Variants in CCR3 observed in about 807,000 individuals in gnomAD.
The protein encoded by CCR3 is C-C motif chemokine receptor 3.
For synonymous variants in CCR3, 203 were observed against 179.2 expected, an observed-to-expected ratio of 1.13 and a Z score of -1.06; for missense variants, 419 against 437.5, an observed-to-expected ratio of 0.96 and a Z score of 0.38.
At chr3:46,243,005 G>A (rs6441947) in intron 1 of CCR3, among the ~76,000 whole-genome samples, 97,220 of 130,056 alleles carry the variant, frequency 0.75, 36,661 homozygotes, top group East Asian at 0.9. Context: ...ATATATATAC[G>A]CACACACACA....
intron 2 of CCR3, among the ~76,000 whole-genome samples, chr3:46,229,411 A>G (rs952416935): frequency 7.2e-5 from 11 of 152,230 alleles, no homozygotes; most frequent in African/African-American, 1.4e-4. Flanking sequence ...CTTAACAAAT[A>G]TAGAAATTGG....
chr3:46,233,990 AC>A (rs1363898063), intron 2 of CCR3, among the ~76,000 whole-genome samples: 1 of 152,156 alleles, frequency 6.6e-6, no homozygotes, highest in Non-Finnish European at 1.5e-5. Context: ...GCATCCTGCC[AC>A]CTCCTGGGCT....
chr3:46,248,477 T>A (rs1700242402), intron 1 of CCR3, among the ~76,000 whole-genome samples: 1 of 152,168 alleles, frequency 6.6e-6, no homozygotes, highest in African/African-American at 2.4e-5. Context: ...CTGGCTCTTG[T>A]GTAAGAATTC....
At chr3:46,214,974 C>T (rs757371729) in intron 2 of CCR3, among the ~76,000 whole-genome samples, 33 of 152,164 alleles carry the variant, frequency 2.2e-4, no homozygotes, top group Non-Finnish European at 3.5e-4. Context: ...GGCCATTGTA[C>T]CTGAAGAGGC....
chr3:46,251,989 T>C (rs982599099), intron 1 of CCR3, among the ~76,000 whole-genome samples: 2 of 152,150 alleles, frequency 1.3e-5, no homozygotes, highest in Admixed American at 6.6e-5. Context: ...GATTCTTCAG[T>C]TACTTCAGGA....
chr3:46,265,791 T>A lies in CCR3; in HGVS notation c.633T>A (p.Pro211=), dbSNP rs760489605. The A allele has an allele frequency of 3.1e-6, 5 of 1,613,946 alleles. No homozygotes were observed. The highest frequency in any genetic ancestry group is 4.2e-6 in the Non-Finnish European group (5 of 1,179,990). The stretch of plus-strand genomic sequence containing the variant: ...TGACCATCTTCTGTCTCGTTCTCCC[T>A]CTGCTCGTTATGGCCATCTGCTACA... ...LRMTIFCLVL[P]LLVMAICYTG... is the part of the protein sequence containing the mutation. Residue 211 remains proline, a synonymous_variant, in exon 2 of 2, where the codon CCT becomes CCA. Coordinates refer to ENST00000395940, the MANE Select transcript of CCR3 (RefSeq NM_178329.3).
At position 46,214,786 on chromosome 3, in the gene CCR3, C is replaced by A. The variant is rs1699754905; in HGVS notation, c.-68+3879C>A. ...GGGCAGTGTGGATGATGTAGGGAAG[C>A]CCCTTCCCTCAGGTCTTCTGGCACA... On this transcript the variant is annotated intron_variant, in intron 2 of 3. Coordinates refer to the CCR3 transcript ENST00000357422. 2.0e-5 allele frequency among the ~76,000 whole-genome samples: 3 copies of A among 152,082 alleles called. No homozygotes were observed. In the South Asian group the frequency reaches 6.2e-4, roughly 31 times the overall value.
rs1700517574 is a variant in CCR3 at position 46,261,059 on chromosome 3, C to CA, written c.-11-4088dup. On this transcript the variant is annotated intron_variant, in intron 1 of 1. Transcript: ENST00000395940. The stretch of plus-strand genomic sequence containing the variant: ...TTTGTTCTTTATTATCCTCTTTCTT[C>CA]ATGTTGAAATAACCTTTAAATAACC... Among the ~76,000 whole-genome samples the CA allele has an allele frequency of 2.0e-5, 3 of 152,134 alleles. No homozygotes were observed. In the South Asian group the frequency reaches 6.2e-4, roughly 32 times the overall value.
chr3:46,213,293 G>A (rs970918891), intron 2 of CCR3, among the ~76,000 whole-genome samples: 1 of 152,182 alleles, frequency 6.6e-6, no homozygotes, highest in Non-Finnish European at 1.5e-5. Context: ...TTATGTGGCT[G>A]CTCATCTTCC....
At chr3:46,242,963 G>GTATATATATATATATACACATA (rs1553644059) in intron 1 of CCR3, among the ~76,000 whole-genome samples, 9 of 86,278 alleles carry the variant, frequency 1.0e-4, no homozygotes, top group East Asian at 7.3e-4. Flanking sequence ...ATATATATGT[G>GTATATATATATATATACACATA]TATATATATA....
intron 1 of CCR3, chr3:46,264,781 C>T (rs529855146): frequency 4.2e-5 from 15 of 360,970 alleles, no homozygotes; most frequent in Admixed American, 2.7e-4. Context: ...TGCAAAATGC[C>T]GTAAGAGACA....
At chr3:46,246,916 G>T (rs934426488) in intron 1 of CCR3, among the ~76,000 whole-genome samples, 1 of 151,960 alleles carries the variant, frequency 6.6e-6, no homozygotes. Context: ...TTGTGGTAAG[G>T]GGTGATATTG....
chr3:46,257,645 C>T (rs967957519), intron 1 of CCR3, among the ~76,000 whole-genome samples: 1 of 152,092 alleles, frequency 6.6e-6, no homozygotes, highest in Non-Finnish European at 1.5e-5. Context: ...AAGGATGATA[C>T]TCAGCTTCCT....
chr3:46,226,261 T>G (rs1699893946), intron 2 of CCR3, among the ~76,000 whole-genome samples: 1 of 152,228 alleles, frequency 6.6e-6, no homozygotes, highest in Non-Finnish European at 1.5e-5. Context: ...AAACCTTGGA[T>G]TAATTTGGGG....
At chr3:46,250,897 G>A (rs112190836) in intron 1 of CCR3, among the ~76,000 whole-genome samples, 1,656 of 151,890 alleles carry the variant, frequency 0.011, 36 homozygotes, top group African/African-American at 0.036. Flanking sequence ...GTCTGGGTGC[G>A]GAAATAAGGG....
rs111826278 is a variant in CCR3 at position 46,266,204 on chromosome 3, C to G, written c.1046C>G (p.Pro349Arg). ...TSSVSPSTAE[P>R]ELSIVF ...TCTGTCTCTCCATCCACAGCAGAGC[C>G]GGAACTCTCTATTGTGTTTTAGGTC... Residue 349 changes from proline to arginine, a missense_variant, in exon 2 of 2, where the codon CCG becomes CGG. Pro to Arg is a moderately radical substitution (Grantham distance 103). Transcript: ENST00000395940. 14 of 1,611,802 alleles carry G rather than the reference C, an allele frequency of 8.7e-6. No homozygotes were observed. Among genetic ancestry groups the G allele is most frequent in the Admixed American group, 1.7e-5 (1 of 59,860 alleles).
At chr3:46,249,074 G>T (rs1237410367) in intron 1 of CCR3, among the ~76,000 whole-genome samples, 2 of 152,130 alleles carry the variant, frequency 1.3e-5, no homozygotes, top group Non-Finnish European at 1.5e-5. Flanking sequence ...CAGGGTAAGG[G>T]TGATTAGGTT....
chr3:46,243,779 A>G (rs2125927720), intron 1 of CCR3, among the ~76,000 whole-genome samples: 1 of 152,332 alleles, frequency 6.6e-6, no homozygotes, highest in African/African-American at 2.4e-5. Flanking sequence ...CTTAATAAGA[A>G]AAAAGCAGAT....
chr3:46,216,031 T>A (rs1377995353), intron 2 of CCR3, among the ~76,000 whole-genome samples: 1 of 152,224 alleles, frequency 6.6e-6, no homozygotes, highest in African/African-American at 2.4e-5. Flanking sequence ...CATGCCTGCC[T>A]ATTGCTGATG....
Sources: gnomAD v4.1 joint callset for allele counts (sites outside exome capture counted in the v4.1 genomes callset) on GRCh38, gnomAD v4.1.1 for gene constraint, MANE v1.5 for transcripts, NCBI Gene and HGNC (gene_info 2026-07-23, HGNC 2026-07-21) for gene names.